The following BEND4 variants were observed in gnomAD, a reference collection of about 807,000 sequenced individuals.
BEND4 encodes BEN domain-containing protein 4.
Under a neutral mutation model 54.7 loss-of-function variants are expected in BEND4, and 27 were observed. The ratio of observed to expected loss-of-function variants is 0.49; its 90% CI spans 0.36 to 0.68. BEND4 has a LOEUF of 0.68. Among genes scored for constraint, BEND4 ranks in the 30% least tolerant of loss-of-function variants. The probability of loss-of-function intolerance (pLI) is 0.00; values close to 1 mark genes in which losing one functional copy is unlikely to be tolerated. For missense variants in BEND4, 702 were observed against 697.2 expected, an observed-to-expected ratio of 1.01 and a Z score of -0.08; for synonymous variants, 327 against 299.5, an observed-to-expected ratio of 1.09 and a Z score of -0.95.
At chr4:42,121,363 G>C (rs1321335219) in intron 4 of BEND4, among the ~76,000 whole-genome samples, 4 of 152,134 alleles carry the variant, frequency 2.6e-5, no homozygotes, top group Admixed American at 1.3e-4. Context: ...GACTCATCAC[G>C]GCAGCATTCA....
Position 42,151,886 on chromosome 4 carries a change from G to C in BEND4, c.258C>G (p.Tyr86Ter). 1 of 1,295,582 alleles carries C rather than the reference G, an allele frequency of 7.7e-7. No homozygotes were observed. The highest frequency in any genetic ancestry group is 9.7e-7 in the Non-Finnish European group (1 of 1,029,784). 80.3% of individuals were successfully genotyped at this position (1,295,582 alleles called of 1,614,324 possible). Reference sequence around the variant, plus strand: ...CGGCGGCCCGGCCGGGCCCGGGGGGGTAGGAGCTCTGCGCCTGGAACTGCT... The same window carrying C: ...CGGCGGCCCGGCCGGGCCCGGGGGGCTAGGAGCTCTGCGCCTGGAACTGCT... ...PPQQFQAQSSYPPGPGRAAAA... is the reference protein window; with the variant it reads ...PPQQFQAQSS Residue 86 changes from tyrosine (Y) to a stop codon, truncating the protein, a stop_gained, in exon 2 of 6, where the codon TAC becomes TAG. Transcript: ENST00000502486. LOFTEE classifies it high-confidence loss of function.
chr4:42,143,616 G>A lies in BEND4; in HGVS notation c.866C>T (p.Thr289Ile). Residue 289 changes from threonine to isoleucine, a missense_variant, in exon 3 of 6, where the codon ACA (threonine) becomes ATA (isoleucine). Thr to Ile is a moderately conservative substitution (Grantham distance 89). Transcript: ENST00000502486. ...VDPLSTSPVH[T>I]LGGWTSPATS... ...TGCTGGGGAAGTCCAGCCACCTAAT[G>A]TATGCACAGGAGAGGTTGACAGAGG... 1.2e-6 allele frequency: 2 copies of A among 1,608,958 alleles called. No homozygotes were observed. The highest frequency in any genetic ancestry group is 1.7e-6 in the Non-Finnish European group (2 of 1,177,616).
chr4:42,119,910 G>T, intron 5 of BEND4, 144 bp downstream of exon 5: 2 of 1,010,152 alleles, frequency 2.0e-6, no homozygotes, highest in Non-Finnish European at 3.0e-6. Flanking sequence ...TCTCAAGACT[G>T]AGTAGATGGG....
chr4:42,126,596 T>C (rs1443202358), intron 3 of BEND4, among the ~76,000 whole-genome samples: 2 of 152,236 alleles, frequency 1.3e-5, no homozygotes, highest in African/African-American at 2.4e-5. Flanking sequence ...ACAATAAAAG[T>C]GAATAGATAC....
chr4:42,119,857 G>A lies in BEND4; in HGVS notation c.1387+197C>T. The A allele has an allele frequency of 8.1e-6, 5 of 614,168 alleles. No homozygotes were observed. In the South Asian group the frequency reaches 9.7e-5, roughly 12 times the overall value. The allele number at this position is 614,168 out of a possible 1,614,324, so 38.0% of individuals were successfully genotyped here. On this transcript the variant is annotated intron_variant, in intron 5 of 5. Coordinates refer to ENST00000502486, the MANE Select transcript of BEND4 (RefSeq NM_207406.4). ...ATGCGATGCTTATGTACCACTAAGA[G>A]AGAACAACAACGCTAAGGCAAACGG...
At position 42,143,651 on chromosome 4, in the gene BEND4, G is replaced by C; in HGVS notation, c.831C>G (p.Ala277=). ...PSSASEYGHL[A]DVDPLSTSPV... ...GAGAGGTTGACAGAGGATCCACGTCGGCCAGATGGCCATATTCACTGGCTG... is the reference window on the plus strand; with the variant it reads ...GAGAGGTTGACAGAGGATCCACGTCCGCCAGATGGCCATATTCACTGGCTG... The change falls in exon 3 of 6, where the codon GCC becomes GCG. Residue 277 remains alanine (A), a synonymous_variant. Transcript: ENST00000502486. 6.2e-7 allele frequency: 1 copy of C among 1,613,786 alleles called. No individual in the cohort carries two copies. Among genetic ancestry groups the C allele is most frequent in the Non-Finnish European group, 8.5e-7 (1 of 1,179,830 alleles).
chr4:42,151,873 C>A lies in BEND4; in HGVS notation c.271G>T (p.Gly91Cys). 1 of 1,311,198 alleles carries A rather than the reference C, an allele frequency of 7.6e-7. No individual in the cohort carries two copies. The highest frequency in any genetic ancestry group is 9.6e-7 in the Non-Finnish European group (1 of 1,039,408). The allele number at this position is 1,311,198 out of a possible 1,614,324, so 81.2% of individuals were successfully genotyped here. A position where few individuals can be genotyped will look rare whatever the true frequency, so the allele number is the denominator to read the frequency against. Reference sequence around the variant, plus strand: ...GACGAAGCGGCGGCGGCGGCCCGGCCGGGCCCGGGGGGGTAGGAGCTCTGC... The same window carrying A: ...GACGAAGCGGCGGCGGCGGCCCGGCAGGGCCCGGGGGGGTAGGAGCTCTGC... ...QAQSSYPPGP[G>C]RAAAAASSSS... The change falls in exon 2 of 6, where the codon GGC (glycine) becomes TGC (cysteine). Residue 91 changes from glycine to cysteine, a missense_variant. Transcript: ENST00000502486.
At chr4:42,128,908 C>G (rs1451706612) in intron 3 of BEND4, among the ~76,000 whole-genome samples, 1 of 152,078 alleles carries the variant, frequency 6.6e-6, no homozygotes, top group Non-Finnish European at 1.5e-5. Flanking sequence ...CGCACTCCAG[C>G]TTGGGCGACT....
chr4:42,111,667 A>G lies in BEND4; in HGVS notation c.*5851T>C, dbSNP rs1396460241. ...TTTTCACAACAGTTCTCACAGTGACATCATAAATTAAAACTCTCTCTTCCA... is the reference window on the plus strand; with the variant it reads ...TTTTCACAACAGTTCTCACAGTGACGTCATAAATTAAAACTCTCTCTTCCA... On this transcript the variant is annotated 3_prime_UTR_variant, in exon 6 of 6. Transcript: ENST00000502486. 6.6e-6 allele frequency: 1 copy of G among 152,234 alleles called. No homozygotes were observed. Among genetic ancestry groups the G allele is most frequent in the Non-Finnish European group, 1.5e-5 (1 of 68,052 alleles). The allele number at this position is 152,234 out of a possible 1,614,324, so 9.4% of individuals were successfully genotyped here.
At chr4:42,148,879 T>C (rs535131010) in intron 2 of BEND4, among the ~76,000 whole-genome samples, 1 of 152,362 alleles carries the variant, frequency 6.6e-6, no homozygotes, top group African/African-American at 2.4e-5. Flanking sequence ...AGGAAAAATA[T>C]GCTTTTAAAA....
Position 42,114,402 on chromosome 4 carries a change from C to T in BEND4, c.*3116G>A, listed in dbSNP as rs1008566970. ...CACCTAGTCACCGACAAAAAAGCCA[C>T]ATTTAGTCTTTGTTGTCAAGCCAGC... On this transcript the variant is annotated 3_prime_UTR_variant, in exon 6 of 6. Transcript: ENST00000502486. 6.6e-6 allele frequency: 1 copy of T among 152,236 alleles called. No individual in the cohort carries two copies. Among genetic ancestry groups the T allele is most frequent in the Admixed American group, 6.5e-5 (1 of 15,280 alleles). 9.4% of individuals were successfully genotyped at this position (152,236 alleles called of 1,614,324 possible). A position where few individuals can be genotyped will look rare whatever the true frequency, so the allele number is the denominator to read the frequency against.
In BEND4 at chr4:42,112,408, C is replaced by T. The variant is rs1719610192; in HGVS notation, c.*5110G>A. Reference sequence around the variant, plus strand: ...GTTCTGAACGGGCCCAAATAGTTTTCCAATGTGGCCAGGATACATCTGGCC... The same window carrying T: ...GTTCTGAACGGGCCCAAATAGTTTTTCAATGTGGCCAGGATACATCTGGCC... On this transcript the variant is annotated 3_prime_UTR_variant, in exon 6 of 6. Coordinates refer to ENST00000502486, the MANE Select transcript of BEND4 (RefSeq NM_207406.4). 1.3e-5 allele frequency: 2 copies of T among 152,276 alleles called. No homozygotes were observed. Among genetic ancestry groups the T allele is most frequent in the South Asian group, 2.1e-4 (1 of 4,816 alleles). 9.4% of individuals were successfully genotyped at this position (152,276 alleles called of 1,614,324 possible).
At chr4:42,129,453 G>A (rs1720422660) in intron 3 of BEND4, among the ~76,000 whole-genome samples, 1 of 152,018 alleles carries the variant, frequency 6.6e-6, no homozygotes, top group South Asian at 2.1e-4. Context: ...ACAAAAAAAA[G>A]AGCCCATATA....
chr4:42,118,564 T>G (rs1409464342), intron 5 of BEND4, among the ~76,000 whole-genome samples: 1 of 152,206 alleles, frequency 6.6e-6, no homozygotes, highest in Non-Finnish European at 1.5e-5. Flanking sequence ...CTGCAGTGTT[T>G]CCAGAGCAGC....
chr4:42,148,141 T>C (rs781361429), intron 2 of BEND4, among the ~76,000 whole-genome samples: 3 of 132,922 alleles, frequency 2.3e-5, no homozygotes, highest in Admixed American at 6.9e-5. Context: ...AAAACATTAA[T>C]TTAACTTATT....
Position 42,128,182 on chromosome 4 carries a change from C to T in BEND4, c.1055-2508G>A, listed in dbSNP as rs191382740. Among the ~76,000 whole-genome samples, 19 of 152,176 alleles carry T rather than the reference C, an allele frequency of 1.2e-4. 1 individual carries two copies. The East Asian group carries it at 3.5e-3, about 28-fold the overall frequency. On this transcript the variant is annotated intron_variant, in intron 3 of 5. Transcript: ENST00000502486. ...TCTCTAAAACAAACAAACAAAAAGA[C>T]GCATATGAAAAAATTTTTATAATAA...
rs200144495 is a variant in BEND4 at position 42,121,151 on chromosome 4, AAAC to A, written c.1147-860_1147-858del. On this transcript the variant is annotated intron_variant, in intron 4 of 5. Coordinates refer to ENST00000502486, the MANE Select transcript of BEND4 (RefSeq NM_207406.4). ...CCTTCCCCAGTAATTAAGGTGTACAAAACAAAGGGAAAACTCATTCATTTTACA... is the reference window on the plus strand; with the variant it reads ...CCTTCCCCAGTAATTAAGGTGTACAAAAAGGGAAAACTCATTCATTTTACA... 5.6e-3 allele frequency among the ~76,000 whole-genome samples: 857 copies of A among 152,300 alleles called. 1 individual carries two copies. The highest frequency in any genetic ancestry group is 0.01 in the Middle Eastern group (3 of 294).
rs1343164472 is a variant in BEND4, at chr4:42,113,824, A to G, written c.*3694T>C. 1.3e-5 allele frequency: 2 copies of G among 152,210 alleles called. No individual in the cohort carries two copies. Among genetic ancestry groups the G allele is most frequent in the Non-Finnish European group, 2.9e-5 (2 of 68,040 alleles). 9.4% of individuals were successfully genotyped at this position (152,210 alleles called of 1,614,324 possible). A position where few individuals can be genotyped will look rare whatever the true frequency, so the allele number is the denominator to read the frequency against. Reference sequence around the variant, plus strand: ...CTACAGCCGTGAAGTAGCTACAAATATGTCTCGAATCCCCTACAAAAGGAG... The same window carrying G: ...CTACAGCCGTGAAGTAGCTACAAATGTGTCTCGAATCCCCTACAAAAGGAG... On this transcript the variant is annotated 3_prime_UTR_variant, in exon 6 of 6. Coordinates refer to ENST00000502486, the MANE Select transcript of BEND4 (RefSeq NM_207406.4).
At chr4:42,134,054 T>C (rs934012106) in intron 3 of BEND4, among the ~76,000 whole-genome samples, 2 of 152,272 alleles carry the variant, frequency 1.3e-5, no homozygotes, top group African/African-American at 4.8e-5. Flanking sequence ...CTGTCTTGTA[T>C]GAGCAGCTGG....
Sources: gnomAD v4.1 joint callset for allele counts (sites outside exome capture counted in the v4.1 genomes callset) on GRCh38, gnomAD v4.1.1 for gene constraint, MANE v1.5 for transcripts, NCBI Gene and HGNC (gene_info 2026-07-23, HGNC 2026-07-21) for gene names.